UHRF2: variants seen among roughly 807,000 people sequenced by gnomAD.
UHRF2 encodes the protein E3 ubiquitin-protein ligase UHRF2.
Under a neutral mutation model 96.8 loss-of-function variants are expected in UHRF2, and 23 were observed. That is an observed-to-expected ratio of 0.24 (90% confidence interval 0.17 to 0.34). The LOEUF (loss-of-function observed/expected upper bound fraction) is 0.34. Among genes scored for constraint, UHRF2 ranks in the 10% least tolerant of loss-of-function variants. UHRF2 has a pLI of 1.00. For synonymous variants in UHRF2, 385 were observed against 332.6 expected (o/e 1.16, Z -1.72); for missense variants, 685 against 981.5 (o/e 0.70, Z 4.04).
chr9:6,453,564 GTTATTT>G (rs1012725349), intron 3 of UHRF2, among the ~76,000 whole-genome samples: 1 of 152,142 alleles, frequency 6.6e-6, no homozygotes, highest in Non-Finnish European at 1.5e-5. Flanking sequence ...AAAAATGTTT[GTTATTT>G]TTCTGACCAA....
intron 3 of UHRF2, among the ~76,000 whole-genome samples, chr9:6,446,911 CAG>C (rs1260928147): frequency 1.3e-5 from 2 of 151,844 alleles, no homozygotes; most frequent in South Asian, 2.1e-4. Context: ...TGTTTTGAGA[CAG>C]AGTCTTGCTC....
chr9:6,419,149 T>C (rs560326045), intron 1 of UHRF2, among the ~76,000 whole-genome samples: 25 of 152,336 alleles, frequency 1.6e-4, no homozygotes, highest in African/African-American at 5.8e-4. Context: ...TACTGGGGGT[T>C]AGGACTTTAA....
chr9:6,434,447 G>C (rs535826536), intron 3 of UHRF2: 1 of 211,644 alleles, frequency 4.7e-6, no homozygotes, highest in East Asian at 8.2e-5. Context: ...CTATTAGGTG[G>C]GCTTTTTTTG....
At chr9:6,504,231 T>C (rs960730737) in intron 14 of UHRF2, 4 of 158,876 alleles carry the variant, frequency 2.5e-5, no homozygotes, top group African/African-American at 9.7e-5. Context: ...TTCACTGTGT[T>C]AGCCAGGATG....
intron 3 of UHRF2, among the ~76,000 whole-genome samples, chr9:6,454,569 A>G (rs1200902807): frequency 2.0e-5 from 3 of 151,720 alleles, no homozygotes; most frequent in South Asian, 2.1e-4. Flanking sequence ...CCCAGCCCCC[A>G]TCACCTACGT....
At chr9:6,500,789 C>T (rs896221925) in intron 14 of UHRF2, 80 bp downstream of exon 14, 58 of 1,345,308 alleles carry the variant, frequency 4.3e-5, no homozygotes, top group Non-Finnish European at 5.4e-5. Flanking sequence ...CTGTTTTTCA[C>T]ACATCAGTCA....
At chr9:6,428,395 A>G (rs1162128979) in intron 2 of UHRF2, among the ~76,000 whole-genome samples, 2 of 152,010 alleles carry the variant, frequency 1.3e-5, no homozygotes, top group African/African-American at 4.8e-5. Context: ...TATGGTAATC[A>G]TTTCTTTGTT....
At chr9:6,457,458 A>G (rs1430441076) in intron 3 of UHRF2, among the ~76,000 whole-genome samples, 1 of 152,172 alleles carries the variant, frequency 6.6e-6, no homozygotes, top group Admixed American at 6.5e-5. Flanking sequence ...ACAAACAGGG[A>G]CAATTTGACC....
intron 13 of UHRF2, 31 bp from the exon 14 acceptor site, chr9:6,500,521 G>C (rs1376361744): frequency 6.3e-7 from 1 of 1,591,058 alleles, no homozygotes; most frequent in African/African-American, 1.4e-5. Flanking sequence ...CCACTTGTAA[G>C]TCTGCTGATA....
intron 1 of UHRF2, among the ~76,000 whole-genome samples, chr9:6,416,633 T>C (rs909229013): frequency 1.4e-5 from 2 of 145,942 alleles, no homozygotes; most frequent in Admixed American, 7.2e-5. Flanking sequence ...AGCTCCGCCT[T>C]CCGGGTTCAC....
chr9:6,505,556 C>A (rs1052300108), intron 15 of UHRF2, among the ~76,000 whole-genome samples: 2 of 152,244 alleles, frequency 1.3e-5, no homozygotes, highest in Admixed American at 6.5e-5. Context: ...CTCAGCCTCC[C>A]AGAGTACTGG....
At chr9:6,428,807 C>G (rs970679534) in intron 2 of UHRF2, among the ~76,000 whole-genome samples, 19 of 152,014 alleles carry the variant, frequency 1.2e-4, no homozygotes, top group African/African-American at 4.6e-4. Context: ...CCACTTCCTC[C>G]CAAAGTGCTG....
rs576207475 is a variant in UHRF2 at position 6,498,469 on chromosome 9, G to A, written c.1908+311G>A. On this transcript the variant is annotated intron_variant, in intron 12 of 15. Coordinates refer to ENST00000276893, the MANE Select transcript of UHRF2 (RefSeq NM_152896.3). ...GATTCATAAAATTTAGGTATAGGAG[G>A]CCCTGGAAAAGGACATTTATCCTAG... 1.0e-5 allele frequency: 2 copies of A among 196,138 alleles called. 1 individual carries two copies. The highest frequency in any genetic ancestry group is 2.6e-4 in the East Asian group (2 of 7,820). 12.1% of individuals were successfully genotyped at this position (196,138 alleles called of 1,614,324 possible).
intron 8 of UHRF2, among the ~76,000 whole-genome samples, chr9:6,482,340 A>G (rs1823975940): frequency 5.3e-5 from 8 of 152,188 alleles, no homozygotes; most frequent in Admixed American, 5.2e-4. Context: ...TTGTGGTAGT[A>G]ACCATTATTG....
chr9:6,417,720 A>C (rs1204268719), intron 1 of UHRF2, among the ~76,000 whole-genome samples: 1 of 152,208 alleles, frequency 6.6e-6, no homozygotes, highest in Non-Finnish European at 1.5e-5. Flanking sequence ...AGGTGGTTAT[A>C]TGTTACTGTG....
At chr9:6,466,551 GAAAAA>G (rs34552859) in intron 4 of UHRF2, among the ~76,000 whole-genome samples, 5 of 110,978 alleles carry the variant, frequency 4.5e-5, no homozygotes, top group African/African-American at 1.3e-4. Flanking sequence ...AAAAAAAAAG[GAAAAA>G]AAAAAAAAAA....
At chr9:6,466,059 A>C (rs1056692309) in intron 4 of UHRF2, among the ~76,000 whole-genome samples, 2 of 152,240 alleles carry the variant, frequency 1.3e-5, no homozygotes, top group Admixed American at 6.5e-5. Context: ...TTTGTAAGTA[A>C]AGTAGTATTT....
chr9:6,476,418 T>C (rs1823575481), intron 5 of UHRF2, among the ~76,000 whole-genome samples: 1 of 152,212 alleles, frequency 6.6e-6, no homozygotes, highest in Admixed American at 6.5e-5. Context: ...ATTATAGTGC[T>C]GATTGAGCCT....
chr9:6,462,044 G>C (rs1302340153), intron 4 of UHRF2, among the ~76,000 whole-genome samples: 1 of 151,782 alleles, frequency 6.6e-6, no homozygotes, highest in African/African-American at 2.4e-5. Context: ...TTTGTGTCAA[G>C]TTCTGATTAA....
Sources: gnomAD v4.1 joint callset for allele counts (sites outside exome capture counted in the v4.1 genomes callset) on GRCh38, gnomAD v4.1.1 for gene constraint, MANE v1.5 for transcripts, NCBI Gene and HGNC (gene_info 2026-07-23, HGNC 2026-07-21) for gene names.